CORO1B: variants seen among roughly 807,000 people sequenced by gnomAD.
The protein encoded by CORO1B is coronin 1B, also known as coronin-1B.
Under a neutral mutation model 51.1 loss-of-function variants are expected in CORO1B, and 30 were observed. The ratio of observed to expected loss-of-function variants is 0.59; its 90% CI spans 0.44 to 0.80. CORO1B has a LOEUF of 0.80. Ranked by LOEUF, CORO1B falls within the 30% of genes least tolerant of loss-of-function variation. CORO1B has a pLI of 0.00. For missense variants in CORO1B, 648 were observed against 700.4 expected (o/e 0.93, Z 0.84); for synonymous variants, 310 against 289.7 (o/e 1.07, Z -0.71).
Position 67,436,136 on chromosome 11 carries a change from G to C in CORO1B, c.*2240C>G. On this transcript the variant is annotated 3_prime_UTR_variant, in exon 11 of 11. Transcript: ENST00000341356. ...CAGGCGCCGCGTGCGGCCCCACAGC[G>C]CGGCACCTAGGCGGGCCGGGTGGTA... 2 of 1,582,706 alleles carry C rather than the reference G, an allele frequency of 1.3e-6. No homozygotes were observed. The highest frequency in any genetic ancestry group is 1.7e-6 in the Non-Finnish European group (2 of 1,164,320).
At position 67,438,698 on chromosome 11, in the gene CORO1B, G is replaced by C. The variant is rs771882753; in HGVS notation, c.1317C>G (p.Thr439=). 4.8e-5 allele frequency: 75 copies of C among 1,547,538 alleles called. No homozygotes were observed. The highest frequency in any genetic ancestry group is 6.5e-5 in the Non-Finnish European group (75 of 1,149,490). The part of the protein sequence containing the change: ...PASTTTAADA[T]PSGSLARAGE... ...CGGCTCTGGCCAGGCTGCCGCTGGG[G>C]GTGGCATCAGCAGCAGTGGTGGTGG... is the stretch of plus-strand genomic sequence containing the variant. Residue 439 remains threonine, a synonymous_variant, in exon 10 of 11, where the codon ACC becomes ACG. Transcript: ENST00000341356.
chr11:67,438,693 C>A lies in CORO1B; in HGVS notation c.1322G>T (p.Ser441Ile). 1 of 1,545,434 alleles carries A rather than the reference C, an allele frequency of 6.5e-7. No homozygotes were observed. The highest frequency in any genetic ancestry group is 1.4e-5 in the African/African-American group (1 of 73,596). ...TACCCCGGCTCTGGCCAGGCTGCCG[C>A]TGGGGGTGGCATCAGCAGCAGTGGT... ...STTTAADATP[S>I]GSLARAGEAG... Residue 441 changes from serine to isoleucine, a missense_variant, in exon 10 of 11, where the codon AGC becomes ATC. Ser to Ile is a moderately radical substitution (Grantham distance 142). Transcript: ENST00000341356.
At chr11:67,441,284 A>G (rs1864388629) in intron 5 of CORO1B, 40 bp from the exon 6 acceptor site, 28 of 1,612,506 alleles carry the variant, frequency 1.7e-5, no homozygotes, top group Non-Finnish European at 2.2e-5. Flanking sequence ...CGCCCTGCTC[A>G]AGGTCCTGGG....
At chr11:67,441,067 T>C in intron 6 of CORO1B, 58 bp downstream of exon 6, 1 of 1,611,802 alleles carries the variant, frequency 6.2e-7, no homozygotes, top group Non-Finnish European at 8.5e-7. Context: ...GAACCCTGCC[T>C]GCCTGGCCCA....
rs1303499309 is a variant in CORO1B at position 67,437,052 on chromosome 11, G to A, written c.*1324C>T. 1 of 152,292 alleles carries A rather than the reference G, an allele frequency of 6.6e-6. No individual in the cohort carries two copies. The highest frequency in any genetic ancestry group is 1.9e-4 in the East Asian group (1 of 5,194). 9.4% of individuals were successfully genotyped at this position (152,292 alleles called of 1,614,324 possible). On this transcript the variant is annotated 3_prime_UTR_variant, in exon 11 of 11. Coordinates refer to ENST00000341356, the MANE Select transcript of CORO1B (RefSeq NM_020441.3). ...GGATGGAGGGGCCTGGATGCACCCA[G>A]AGGCAACTGCTCATCTTCTGCTTGG... is the stretch of plus-strand genomic sequence containing the variant.
At chr11:67,442,933 G>A (rs189513044) in intron 1 of CORO1B, among the ~76,000 whole-genome samples, 1 of 152,338 alleles carries the variant, frequency 6.6e-6, no homozygotes, top group Non-Finnish European at 1.5e-5. Flanking sequence ...GGTGGGAGGT[G>A]CCGGGGTTGG....
At position 67,437,280 on chromosome 11, in the gene CORO1B, G is replaced by C. The variant is rs980104317; in HGVS notation, c.*1096C>G. On this transcript the variant is annotated 3_prime_UTR_variant, in exon 11 of 11. Transcript: ENST00000341356. Reference sequence around the variant, plus strand: ...AACAGGCTAGGTGGGGGGTGTCGGGGGAGGGGTGCTGAGGTGCAGCCAGCC... The same window carrying C: ...AACAGGCTAGGTGGGGGGTGTCGGGCGAGGGGTGCTGAGGTGCAGCCAGCC... The C allele has an allele frequency of 1.1e-5, 3 of 282,426 alleles. No homozygotes were observed. The highest frequency in any genetic ancestry group is 5.7e-5 in the East Asian group (1 of 17,456). 17.5% of individuals were successfully genotyped at this position (282,426 alleles called of 1,614,324 possible).
intron 4 of CORO1B, 71 bp from the exon 5 acceptor site, chr11:67,441,585 C>T: frequency 6.4e-7 from 1 of 1,562,510 alleles, no homozygotes; most frequent in Non-Finnish European, 8.7e-7. Flanking sequence ...GGCTGAGGCC[C>T]ACTCTGCCCA....
At chr11:67,439,887 C>T (rs1336905946) in intron 8 of CORO1B, 44 bp from the exon 9 acceptor site, 1 of 1,531,938 alleles carries the variant, frequency 6.5e-7, no homozygotes, top group Non-Finnish European at 8.8e-7. Flanking sequence ...CTCACCGCCC[C>T]CCCCACCCAC....
upstream of CORO1B, chr11:67,443,685 G>GGGGGC (rs1161537560): frequency 2.2e-5 from 21 of 971,276 alleles, no homozygotes; most frequent in East Asian, 1.1e-4. Flanking sequence ...TCCGGAAGAA[G>GGGGGC]GGGGCGGGGC....
intron 10 of CORO1B, 44 bp from the exon 11 acceptor site, chr11:67,438,545 T>A: frequency 6.3e-7 from 1 of 1,577,984 alleles, no homozygotes; most frequent in Non-Finnish European, 8.6e-7. Context: ...GGTCAGGGGC[T>A]GCTAAGCCAT....
In CORO1B at chr11:67,440,314, G is replaced by A. The variant is rs11227794; in HGVS notation, c.861+21C>T. The A allele has an allele frequency of 5.1e-4, 822 of 1,612,682 alleles. No homozygotes were observed. The highest frequency in any genetic ancestry group is 6.3e-4 in the Non-Finnish European group (745 of 1,179,378). ...TGGGCACGCCTCTTCCCTGCCCCTC[G>A]CCAGCCCTGCCCAGCCCCACCTTGC... On this transcript the variant is annotated intron_variant, in intron 7 of 10. Transcript: ENST00000341356.
intron 1 of CORO1B, among the ~76,000 whole-genome samples, chr11:67,443,102 A>T (rs929424503): frequency 1.3e-5 from 2 of 152,078 alleles, no homozygotes; most frequent in Non-Finnish European, 2.9e-5. Context: ...AGTCCCAGGG[A>T]ATGTCCAGGG....
rs1864285583 is a variant in CORO1B, at chr11:67,436,559, C to CACCT, written c.*1813_*1816dup. On this transcript the variant is annotated 3_prime_UTR_variant, in exon 11 of 11. Transcript: ENST00000341356. ...TCCCTCCAGCCTCCTCCCTACCACT[C>CACCT]ACCTCCCCCAACAGCTGCATTAAGC... 32 of 496,148 alleles carry CACCT rather than the reference C, an allele frequency of 6.4e-5. No homozygotes were observed. In the South Asian group the frequency reaches 1.5e-3, roughly 24 times the overall value. The allele number at this position is 496,148 out of a possible 1,614,324, so 30.7% of individuals were successfully genotyped here.
intron 6 of CORO1B, 113 bp from the exon 7 acceptor site, chr11:67,440,552 G>C: frequency 1.0e-6 from 1 of 953,498 alleles, no homozygotes; most frequent in Non-Finnish European, 1.7e-6. Context: ...CCTAAATGCA[G>C]GTGGGCCCTC....
Position 67,437,300 on chromosome 11 carries a change from C to G in CORO1B, c.*1076G>C. 1 of 318,482 alleles carries G rather than the reference C, an allele frequency of 3.1e-6. No homozygotes were observed. The highest frequency in any genetic ancestry group is 5.7e-6 in the Non-Finnish European group (1 of 174,960). 19.7% of individuals were successfully genotyped at this position (318,482 alleles called of 1,614,324 possible). A position where few individuals can be genotyped will look rare whatever the true frequency, so the allele number is the denominator to read the frequency against. On this transcript the variant is annotated 3_prime_UTR_variant, in exon 11 of 11. Coordinates refer to ENST00000341356, the MANE Select transcript of CORO1B (RefSeq NM_020441.3). ...TCGGGGGAGGGGTGCTGAGGTGCAG[C>G]CAGCCTCCCCCACCACCCCAGGCTG... is the stretch of plus-strand genomic sequence containing the variant.
At position 67,440,169 on chromosome 11, in the gene CORO1B, A is replaced by G. The variant is rs766433416; in HGVS notation, c.956T>C (p.Met319Thr). ...TFTSKEPQRG[M>T]GSMPKRGLEV... ...CAGGCCCCGCTTGGGCATGCTGCCCATACCCCGCTGCGGCTCCTTGCTGGT... is the reference window on the plus strand; with the variant it reads ...CAGGCCCCGCTTGGGCATGCTGCCCGTACCCCGCTGCGGCTCCTTGCTGGT... The change falls in exon 8 of 11, where the codon ATG becomes ACG. Residue 319 changes from methionine (M) to threonine (T), a missense_variant. By Grantham distance (81) the Met-to-Thr change is moderately conservative. Coordinates refer to ENST00000341356, the MANE Select transcript of CORO1B (RefSeq NM_020441.3). The G allele has an allele frequency of 6.2e-7, 1 of 1,613,808 alleles. No individual in the cohort carries two copies. The highest frequency in any genetic ancestry group is 8.5e-7 in the Non-Finnish European group (1 of 1,180,012).
chr11:67,443,363 CCCCCAGCCCGCGCCCCTAG>C, intron 1 of CORO1B, 22 bp downstream of exon 1: 1 of 545,874 alleles, frequency 1.8e-6, no homozygotes, highest in South Asian at 7.9e-5. Flanking sequence ...CCCCGCCCAG[CCCCCAGCCCGCGCCCCTAG>C]CCCCGGCCCT....
At chr11:67,440,592 G>A (rs749405064) in intron 6 of CORO1B, 153 bp from the exon 7 acceptor site, 52 of 747,152 alleles carry the variant, frequency 7.0e-5, no homozygotes, top group Middle Eastern at 4.5e-4. Context: ...CCCACATGAC[G>A]ACCCCCACCT....
Sources: gnomAD v4.1 joint callset for allele counts (sites outside exome capture counted in the v4.1 genomes callset) on GRCh38, gnomAD v4.1.1 for gene constraint, MANE v1.5 for transcripts, NCBI Gene and HGNC (gene_info 2026-07-23, HGNC 2026-07-21) for gene names.